Variants in EPHB1 observed in about 807,000 individuals in gnomAD.
The protein encoded by EPHB1 is ephrin type-B receptor 1.
Under a neutral mutation model 94.4 loss-of-function variants are expected in EPHB1, and 30 were observed. That is an observed-to-expected ratio of 0.32 (90% CI 0.24 to 0.43). The LOEUF (loss-of-function observed/expected upper bound fraction) is 0.43. Among genes scored for constraint, EPHB1 ranks in the 20% least tolerant of loss-of-function variants. The pLI is 1.00. For synonymous variants in EPHB1, 522 were observed against 489.1 expected (o/e 1.07, Z -0.89); for missense variants, 1,055 against 1,308.3 (o/e 0.81, Z 2.99).
At chr3:134,987,727 C>G (rs570061424) in intron 3 of EPHB1, among the ~76,000 whole-genome samples, 5 of 152,092 alleles carry the variant, frequency 3.3e-5, no homozygotes, top group Non-Finnish European at 7.4e-5. Context: ...GCCGAGATCA[C>G]GCCATTGTAT....
In EPHB1 at chr3:135,240,950, C is replaced by T. The variant is rs553133220; in HGVS notation, c.2347-198C>T. 3.3e-5 allele frequency among the ~76,000 whole-genome samples: 5 copies of T among 152,268 alleles called. No individual in the cohort carries two copies. The South Asian group carries it at 1.0e-3, about 32-fold the overall frequency. The stretch of plus-strand genomic sequence containing the variant: ...ATCCACATGAGGCTAGAAGCCAGCA[C>T]AGGCATGCTGGTCACCTTGAGCTTC... On this transcript the variant is annotated intron_variant, in intron 12 of 15. Coordinates refer to ENST00000398015, the MANE Select transcript of EPHB1 (RefSeq NM_004441.5).
intron 2 of EPHB1, among the ~76,000 whole-genome samples, chr3:134,941,666 G>A (rs1215387936): frequency 1.3e-5 from 2 of 150,810 alleles, no homozygotes; most frequent in African/African-American, 4.9e-5. Context: ...ATGGACCAAT[G>A]AGTAGAGCCC....
At chr3:135,054,034 T>TACAC (rs148821607) in intron 3 of EPHB1, among the ~76,000 whole-genome samples, 2 of 103,288 alleles carry the variant, frequency 1.9e-5, no homozygotes, top group South Asian at 3.6e-4. Context: ...CATATATATA[T>TACAC]ATATATACAC....
At chr3:134,847,164 C>G (rs1304867096) in intron 1 of EPHB1, among the ~76,000 whole-genome samples, 1 of 151,310 alleles carries the variant, frequency 6.6e-6, no homozygotes, top group Non-Finnish European at 1.5e-5. Flanking sequence ...TTAAAACACA[C>G]ACACATCATG....
At chr3:135,146,623 C>A (rs746417261) in intron 5 of EPHB1, among the ~76,000 whole-genome samples, 1 of 152,246 alleles carries the variant, frequency 6.6e-6, no homozygotes, top group Non-Finnish European at 1.5e-5. Context: ...GGGAAACCAG[C>A]TCTCTTCTGG....
chr3:135,133,120 C>A, intron 5 of EPHB1, 71 bp downstream of exon 5: 1 of 1,420,476 alleles, frequency 7.0e-7, no homozygotes, highest in African/African-American at 1.4e-5. Context: ...AGGGACACAG[C>A]TGCAGCCACA....
intron 12 of EPHB1, among the ~76,000 whole-genome samples, chr3:135,219,047 G>A (rs557723625): frequency 3.9e-5 from 6 of 152,046 alleles, no homozygotes; most frequent in East Asian, 3.9e-4. Flanking sequence ...AAGCACAGGT[G>A]GGGGAAGAGT....
chr3:135,096,587 A>C (rs558797930), intron 3 of EPHB1, among the ~76,000 whole-genome samples: 6 of 152,226 alleles, frequency 3.9e-5, no homozygotes, highest in Non-Finnish European at 8.8e-5. Context: ...TATTTCTCAC[A>C]GTTCTGAATA....
intron 3 of EPHB1, among the ~76,000 whole-genome samples, chr3:135,103,807 C>T (rs1220901873): frequency 6.6e-6 from 1 of 152,144 alleles, no homozygotes; most frequent in African/African-American, 2.4e-5. Flanking sequence ...TCCCTGATGT[C>T]CAGCTTGGAC....
chr3:135,042,562 C>A (rs1211925089), intron 3 of EPHB1, among the ~76,000 whole-genome samples: 1 of 152,208 alleles, frequency 6.6e-6, no homozygotes, highest in Non-Finnish European at 1.5e-5. Flanking sequence ...AATCCAGCAA[C>A]CACCCTGCTG....
intron 3 of EPHB1, among the ~76,000 whole-genome samples, chr3:134,969,745 G>A (rs1234393822): frequency 6.6e-6 from 1 of 152,102 alleles, no homozygotes; most frequent in African/African-American, 2.4e-5. Context: ...ACGTTTTAAG[G>A]TGTTGGATGC....
At chr3:135,017,973 G>T (rs1039764793) in intron 3 of EPHB1, among the ~76,000 whole-genome samples, 4 of 152,096 alleles carry the variant, frequency 2.6e-5, no homozygotes, top group African/African-American at 9.7e-5. Context: ...GGCTGGGGAG[G>T]CAGGCACATG....
At chr3:134,824,857 C>T (rs2036446768) in intron 1 of EPHB1, among the ~76,000 whole-genome samples, 1 of 152,140 alleles carries the variant, frequency 6.6e-6, no homozygotes, top group African/African-American at 2.4e-5. Context: ...CAGCCAGCAC[C>T]AACTGCCAGC....
intron 2 of EPHB1, among the ~76,000 whole-genome samples, chr3:134,926,537 A>G (rs2107702611): frequency 2.0e-5 from 3 of 152,332 alleles, no homozygotes; most frequent in Middle Eastern, 6.8e-3. Context: ...GCCTGGAAAG[A>G]CGTTCTAAGT....
intron 1 of EPHB1, among the ~76,000 whole-genome samples, chr3:134,796,862 GT>G (rs2035839208): frequency 6.6e-6 from 1 of 152,236 alleles, no homozygotes; most frequent in South Asian, 2.1e-4. Flanking sequence ...ACCGCGCAGC[GT>G]TCCCATCTGG....
intron 3 of EPHB1, among the ~76,000 whole-genome samples, chr3:135,083,919 C>T (rs1415649127): frequency 6.6e-6 from 1 of 152,108 alleles, no homozygotes; most frequent in Non-Finnish European, 1.5e-5. Flanking sequence ...CTGGGGCCCC[C>T]TCCCTTCCCA....
At chr3:134,842,051 G>A (rs925122785) in intron 1 of EPHB1, among the ~76,000 whole-genome samples, 2 of 152,164 alleles carry the variant, frequency 1.3e-5, no homozygotes, top group Non-Finnish European at 2.9e-5. Flanking sequence ...CAAAGGTGAT[G>A]GTAGTAATAG....
chr3:135,249,531 G>T, intron 15 of EPHB1, 40 bp downstream of exon 15: 1 of 1,588,722 alleles, frequency 6.3e-7, no homozygotes, highest in South Asian at 1.2e-5. Flanking sequence ...CACACCTAGG[G>T]GTCAGTGCTC....
chr3:135,148,270 C>T lies in EPHB1; in HGVS notation c.1298-5882C>T, dbSNP rs79112534. Among the ~76,000 whole-genome samples the T allele has an allele frequency of 9.7e-4, 147 of 152,228 alleles. 3 individuals are homozygous for T. The East Asian group carries it at 0.016, about 17-fold the overall frequency. The stretch of plus-strand genomic sequence containing the variant: ...GAAAACAAAATGAGTAAGAAGAAAC[C>T]TTTGAAGATAACTGAGTCGGTAACT... On this transcript the variant is annotated intron_variant, in intron 5 of 15. Transcript: ENST00000398015.
Sources: allele counts gnomAD v4.1 joint callset (sites outside exome capture counted in the v4.1 genomes callset), GRCh38; gene constraint gnomAD v4.1.1; transcripts MANE v1.5; gene names NCBI Gene and HGNC (gene_info 2026-07-23, HGNC 2026-07-21).